FMN1: variants seen among roughly 807,000 people sequenced by gnomAD.
FMN1 encodes the protein formin 1.
FMN1 carries 110 observed loss-of-function variants against 132.4 expected under a neutral mutation model. That is an observed-to-expected ratio of 0.83 (90% CI 0.71 to 0.97). The LOEUF (loss-of-function observed/expected upper bound fraction) is 0.97. Among genes scored for constraint, FMN1 ranks in the 50% least tolerant of loss-of-function variants. The pLI is 0.00. For missense variants in FMN1, 1,792 were observed against 1,705.3 expected (o/e 1.05, Z -0.90); for synonymous variants, 722 against 651.7 (o/e 1.11, Z -1.64).
At chr15:33,118,862 C>T (rs933737749) in intron 4 of FMN1, among the ~76,000 whole-genome samples, 1 of 149,032 alleles carries the variant, frequency 6.7e-6, no homozygotes, top group Non-Finnish European at 1.5e-5. Flanking sequence ...ACTCCAAAGT[C>T]TTTATGAAGA....
intron 2 of FMN1, among the ~76,000 whole-genome samples, chr15:33,193,037 A>G (rs75043172): frequency 0.015 from 2,210 of 152,296 alleles, 27 homozygotes; most frequent in African/African-American, 0.027. Flanking sequence ...ATACTGTCTC[A>G]CTACTCTTCT....
At chr15:32,909,000 C>A (rs953670461) in intron 11 of FMN1, among the ~76,000 whole-genome samples, 2 of 152,210 alleles carry the variant, frequency 1.3e-5, no homozygotes, top group South Asian at 4.1e-4. Context: ...GCAGCTCTTT[C>A]ATTTCTAGTC....
In FMN1 at chr15:33,126,381, G is replaced by T. The variant is rs116308397; in HGVS notation, c.1867+26667C>A. The stretch of plus-strand genomic sequence containing the variant: ...GCAGTCCAGCAGAGCAGCACGCAGT[G>T]TGCACCAAAAGGAGCCTGGAGGCCC... On this transcript the variant is annotated intron_variant, in intron 4 of 20. Coordinates refer to ENST00000616417, the MANE Select transcript of FMN1 (RefSeq NM_001277313.2). Among the ~76,000 whole-genome samples the T allele has an allele frequency of 4.5e-3, 690 of 152,270 alleles. 3 individuals are homozygous for T. Among genetic ancestry groups the T allele is most frequent in the African/African-American group, 0.016 (650 of 41,548 alleles).
chr15:32,885,453 CTA>C (rs1297926524), intron 16 of FMN1, among the ~76,000 whole-genome samples: 38 of 152,296 alleles, frequency 2.5e-4, no homozygotes, highest in Non-Finnish European at 4.4e-5. Context: ...GAAGTCGTAT[CTA>C]GTTTCAAAAC....
intron 17 of FMN1, among the ~76,000 whole-genome samples, chr15:32,848,972 C>CTTTTTTT (rs1224231827): frequency 2.9e-5 from 2 of 68,628 alleles, no homozygotes; most frequent in Non-Finnish European, 5.8e-5. Flanking sequence ...GGTTAGTTCT[C>CTTTTTTT]TTTTGTTTTT....
At chr15:33,051,553 A>T (rs2036973100) in intron 6 of FMN1, among the ~76,000 whole-genome samples, 1 of 152,158 alleles carries the variant, frequency 6.6e-6, no homozygotes, top group Non-Finnish European at 1.5e-5. Context: ...CAATAGATAT[A>T]AACACCTGAA....
chr15:33,030,034 T>G (rs938803081), intron 6 of FMN1, among the ~76,000 whole-genome samples: 5 of 152,162 alleles, frequency 3.3e-5, no homozygotes, highest in Admixed American at 6.5e-5. Flanking sequence ...GGCGGGTACC[T>G]GTAGTCCCAG....
chr15:33,042,696 A>T (rs957346805), intron 6 of FMN1, among the ~76,000 whole-genome samples: 1 of 152,174 alleles, frequency 6.6e-6, no homozygotes, highest in African/African-American at 2.4e-5. Flanking sequence ...GGGAAAAACA[A>T]AACTGATAAT....
intron 9 of FMN1, among the ~76,000 whole-genome samples, chr15:32,952,863 C>T (rs1221563973): frequency 6.6e-6 from 1 of 152,164 alleles, no homozygotes; most frequent in African/African-American, 2.4e-5. Context: ...ACTCTTGTGG[C>T]GAAGGGAGGG....
chr15:33,030,933 A>T (rs1226714106), intron 6 of FMN1, among the ~76,000 whole-genome samples: 1 of 152,072 alleles, frequency 6.6e-6, no homozygotes, highest in Non-Finnish European at 1.5e-5. Context: ...TGAACCGGTC[A>T]TCTACATTGG....
At chr15:32,898,608 G>C (rs2060216004) in intron 15 of FMN1, among the ~76,000 whole-genome samples, 1 of 152,180 alleles carries the variant, frequency 6.6e-6, no homozygotes, top group South Asian at 2.1e-4. Flanking sequence ...CTGAAGCTGT[G>C]TTATAGTCGA....
intron 16 of FMN1, among the ~76,000 whole-genome samples, chr15:32,861,702 C>T (rs1024113162): frequency 1.3e-5 from 2 of 152,162 alleles, no homozygotes; most frequent in African/African-American, 4.8e-5. Flanking sequence ...AGATGCTGGG[C>T]ACTGTATTTA....
intron 7 of FMN1, among the ~76,000 whole-genome samples, chr15:32,980,169 C>T (rs1171372376): frequency 3.3e-5 from 5 of 151,610 alleles, no homozygotes; most frequent in Admixed American, 2.6e-4. Context: ...ATTGCTCACC[C>T]TAGCCAAAAG....
At chr15:32,856,666 T>C (rs138564185) in intron 17 of FMN1, among the ~76,000 whole-genome samples, 1 of 152,312 alleles carries the variant, frequency 6.6e-6, no homozygotes, top group African/African-American at 2.4e-5. Context: ...AAATGTGAAA[T>C]GCATGACCAC....
Position 33,007,994 on chromosome 15 carries a change from G to T in FMN1, c.2223+20C>A. The T allele has an allele frequency of 6.3e-7, 1 of 1,585,290 alleles. No individual in the cohort carries two copies. On this transcript the variant is annotated intron_variant, in intron 7 of 20. Transcript: ENST00000616417. ...GTATCAGTTCTATAGAACCCGTTCAGTAGCATCAAAGAGGCATACCTGCAG... is the reference window on the plus strand; with the variant it reads ...GTATCAGTTCTATAGAACCCGTTCATTAGCATCAAAGAGGCATACCTGCAG...
rs561125156 is a variant in FMN1 at position 32,869,713 on chromosome 15, C to T, written c.3836-12606G>A. On this transcript the variant is annotated intron_variant, in intron 16 of 20. Transcript: ENST00000616417. ...CAGTGGAGGAGAGGCCAGCAATGAA[C>T]AGAGAAGAGCTGGTCAGTAGGAAAG... 3.3e-5 allele frequency among the ~76,000 whole-genome samples: 5 copies of T among 152,148 alleles called. 1 individual carries two copies. The highest frequency in any genetic ancestry group is 1.2e-4 in the African/African-American group (5 of 41,476).
Position 33,011,575 on chromosome 15 carries a change from A to G in FMN1, c.2162-3500T>C, listed in dbSNP as rs545630040. Among the ~76,000 whole-genome samples the G allele has an allele frequency of 7.6e-4, 116 of 152,224 alleles. 1 individual carries two copies. The highest frequency in any genetic ancestry group is 2.7e-3 in the African/African-American group (112 of 41,564). On this transcript the variant is annotated intron_variant, in intron 6 of 20. Transcript: ENST00000616417. ...ATATATAGAGGAAAAAACCTGATAA[A>G]TTTGACTACATTAAAATTAAGAACT... is the stretch of plus-strand genomic sequence containing the variant.
chr15:32,966,579 T>C (rs1368432140), intron 8 of FMN1, among the ~76,000 whole-genome samples: 1 of 152,146 alleles, frequency 6.6e-6, no homozygotes, highest in Non-Finnish European at 1.5e-5. Flanking sequence ...AAGTGTCTCT[T>C]GCTTATTCTA....
intron 17 of FMN1, among the ~76,000 whole-genome samples, chr15:32,824,160 T>C (rs927795885): frequency 6.6e-6 from 1 of 152,236 alleles, no homozygotes; most frequent in Admixed American, 6.5e-5. Context: ...TTTTTAAAAA[T>C]CTTTGGTCAC....
Sources: allele counts gnomAD v4.1 joint callset (sites outside exome capture counted in the v4.1 genomes callset), GRCh38; gene constraint gnomAD v4.1.1; transcripts MANE v1.5; gene names NCBI Gene and HGNC (gene_info 2026-07-23, HGNC 2026-07-21).